Variants in FAR2 observed in about 807,000 individuals in gnomAD.
FAR2 encodes the protein epididymis secretory protein Li 81.
Under a neutral mutation model 56.0 loss-of-function variants are expected in FAR2, and 19 were observed. The ratio of observed to expected loss-of-function variants is 0.34; its 90% CI spans 0.24 to 0.50. FAR2 has a LOEUF of 0.50. Among genes scored for constraint, FAR2 ranks in the 20% least tolerant of loss-of-function variants. FAR2 has a pLI of 0.98. For missense variants in FAR2, 508 were observed against 642.2 expected (o/e 0.79, Z 2.26); for synonymous variants, 219 against 218.8 (o/e 1.00, Z -0.01).
At chr12:29,210,878 G>A (rs916864685) in intron 1 of FAR2, among the ~76,000 whole-genome samples, 13 of 152,094 alleles carry the variant, frequency 8.5e-5, no homozygotes, top group Admixed American at 4.6e-4. Context: ...CCCGGGATGC[G>A]GAGGCTGCAG....
intron 9 of FAR2, chr12:29,317,778 C>T (rs1317392043): frequency 6.6e-6 from 1 of 152,548 alleles, no homozygotes; most frequent in Non-Finnish European, 1.5e-5. Flanking sequence ...GTCACAGCTA[C>T]CCAAGGAAGA....
chr12:29,265,557 C>A (rs1231234890), intron 1 of FAR2, among the ~76,000 whole-genome samples: 1 of 152,130 alleles, frequency 6.6e-6, no homozygotes, highest in Non-Finnish European at 1.5e-5. Context: ...AATATAAGAT[C>A]TCGAACTATG....
intron 1 of FAR2, among the ~76,000 whole-genome samples, chr12:29,178,146 C>T (rs1428205618): frequency 6.6e-6 from 1 of 150,476 alleles, no homozygotes; most frequent in Non-Finnish European, 1.5e-5. Context: ...GAAATAGTGG[C>T]CTAAATGGAT....
intron 1 of FAR2, among the ~76,000 whole-genome samples, chr12:29,262,561 CAGAGGTTGT>C (rs1400020373): frequency 2.0e-5 from 3 of 152,082 alleles, no homozygotes; most frequent in Admixed American, 2.0e-4. Context: ...ACCCGGGAAG[CAGAGGTTGT>C]GGTGAGCCAA....
chr12:29,280,117 GT>G (rs1948764297), intron 2 of FAR2, among the ~76,000 whole-genome samples: 1 of 152,020 alleles, frequency 6.6e-6, no homozygotes, highest in Non-Finnish European at 1.5e-5. Flanking sequence ...TAGAGATGGG[GT>G]TTCACCATGT....
rs1261888858 is a variant in FAR2 at position 29,278,440 on chromosome 12, C to T, written c.189+7802C>T. ...CTGCAGCCTCAACCTCCCGGGCTCACGTGATCCACCCACCTCAGCCTCCCA... is the reference window on the plus strand; with the variant it reads ...CTGCAGCCTCAACCTCCCGGGCTCATGTGATCCACCCACCTCAGCCTCCCA... On this transcript the variant is annotated intron_variant, in intron 2 of 11. Coordinates refer to ENST00000536681, the MANE Select transcript of FAR2 (RefSeq NM_001271783.2). 5.9e-5 allele frequency among the ~76,000 whole-genome samples: 9 copies of T among 151,928 alleles called. No individual in the cohort carries two copies. In the East Asian group the frequency reaches 1.5e-3, roughly 26 times the overall value.
chr12:29,310,921 G>A lies in FAR2; in HGVS notation c.769-107G>A. The A allele has an allele frequency of 3.7e-6, 3 of 812,072 alleles. No individual in the cohort carries two copies. In the South Asian group the frequency reaches 4.5e-5, roughly 12 times the overall value. The allele number at this position is 812,072 out of a possible 1,614,324, so 50.3% of individuals were successfully genotyped here. On this transcript the variant is annotated intron_variant, in intron 6 of 11. Transcript: ENST00000536681. The stretch of plus-strand genomic sequence containing the variant: ...CCTGGTAAGCAGTGGATCAATGTTA[G>A]CTGTTTTCACTTATTGCACTAGTAT...
chr12:29,275,586 A>G (rs1399446025), intron 2 of FAR2, among the ~76,000 whole-genome samples: 1 of 152,166 alleles, frequency 6.6e-6, no homozygotes, highest in Non-Finnish European at 1.5e-5. Flanking sequence ...CCAACAGTGT[A>G]AAAGTGTTAT....
intron 1 of FAR2, among the ~76,000 whole-genome samples, chr12:29,256,685 G>A (rs535129889): frequency 3.9e-5 from 6 of 152,348 alleles, no homozygotes; most frequent in African/African-American, 1.4e-4. Flanking sequence ...TGGCACTTGC[G>A]GGCCAGCTGG....
Position 29,333,038 on chromosome 12 carries a change from C to A in FAR2, c.1385+311C>A. Reference sequence around the variant, plus strand: ...TTTGAACCCAAATTTGTTTCTTCTACCACACTCTGTCATAATGGGATATAA... The same window carrying A: ...TTTGAACCCAAATTTGTTTCTTCTAACACACTCTGTCATAATGGGATATAA... On this transcript the variant is annotated intron_variant, in intron 11 of 11. Coordinates refer to ENST00000536681, the MANE Select transcript of FAR2 (RefSeq NM_001271783.2). 9.8e-6 allele frequency: 4 copies of A among 407,378 alleles called. No individual in the cohort carries two copies. The Admixed American group carries it at 1.0e-4, about 10-fold the overall frequency. 25.2% of individuals were successfully genotyped at this position (407,378 alleles called of 1,614,324 possible). A position where few individuals can be genotyped will look rare whatever the true frequency, so the allele number is the denominator to read the frequency against.
chr12:29,322,565 G>T (rs1949570509), intron 10 of FAR2, among the ~76,000 whole-genome samples: 1 of 152,040 alleles, frequency 6.6e-6, no homozygotes, highest in African/African-American at 2.4e-5. Flanking sequence ...TTAACTTCTT[G>T]GCAGTCACAA....
At chr12:29,318,688 G>C (rs1481388905) in intron 9 of FAR2, among the ~76,000 whole-genome samples, 1 of 152,152 alleles carries the variant, frequency 6.6e-6, no homozygotes, top group Non-Finnish European at 1.5e-5. Flanking sequence ...GGGGGTATGT[G>C]TGTATATAAA....
Position 29,180,133 on chromosome 12 carries a change from C to T in FAR2, c.-39+30726C>T, listed in dbSNP as rs547545279. On this transcript the variant is annotated intron_variant, in intron 1 of 11. Coordinates refer to ENST00000536681, the MANE Select transcript of FAR2 (RefSeq NM_001271783.2). ...TCAACAAAAACTTCCCTCAAAGGCT[C>T]ACTCACTCTTACCAGCAGAAGGTGT... 8.3e-4 allele frequency among the ~76,000 whole-genome samples: 126 copies of T among 152,254 alleles called. 1 individual carries two copies. The highest frequency in any genetic ancestry group is 2.9e-3 in the African/African-American group (119 of 41,556).
chr12:29,230,802 A>T lies in FAR2; in HGVS notation c.-38-39610A>T, dbSNP rs567029971. Among the ~76,000 whole-genome samples, 20 of 152,266 alleles carry T rather than the reference A, an allele frequency of 1.3e-4. No homozygotes were observed. In the East Asian group the frequency reaches 3.9e-3, roughly 30 times the overall value. On this transcript the variant is annotated intron_variant, in intron 1 of 11. Transcript: ENST00000536681. ...TAAAGAACTCATAGAATAGAGCCTT[A>T]CTCACTGAGATAGGGAGAATGGTGA... is the stretch of plus-strand genomic sequence containing the variant.
intron 2 of FAR2, among the ~76,000 whole-genome samples, chr12:29,286,464 A>T (rs1565505395): frequency 6.6e-6 from 1 of 152,184 alleles, no homozygotes; most frequent in Non-Finnish European, 1.5e-5. Context: ...TTCTGAGTTA[A>T]TATCAGTGTT....
At chr12:29,156,661 G>A (rs1004808849) in intron 1 of FAR2, 2 of 151,902 alleles carry the variant, frequency 1.3e-5, no homozygotes, top group Non-Finnish European at 2.9e-5. Flanking sequence ...TATTATTAAT[G>A]CACACTTTTA....
intron 1 of FAR2, among the ~76,000 whole-genome samples, chr12:29,182,304 T>C (rs1340733776): frequency 6.6e-6 from 1 of 152,338 alleles, no homozygotes; most frequent in Middle Eastern, 3.4e-3. Flanking sequence ...AGTGGCCAGC[T>C]TTTATTCCCT....
chr12:29,209,356 G>A (rs1208366254), intron 1 of FAR2, among the ~76,000 whole-genome samples: 4 of 152,136 alleles, frequency 2.6e-5, no homozygotes, highest in Admixed American at 6.5e-5. Context: ...CAGGTCAATC[G>A]TCAATGTATT....
At chr12:29,214,833 T>TAAC (rs1305206561) in intron 1 of FAR2, among the ~76,000 whole-genome samples, 14 of 149,628 alleles carry the variant, frequency 9.4e-5, no homozygotes, top group African/African-American at 3.2e-4. Flanking sequence ...AATAAAATGA[T>TAAC]AATAATAATA....
Sources: allele counts gnomAD v4.1 joint callset (sites outside exome capture counted in the v4.1 genomes callset), GRCh38; gene constraint gnomAD v4.1.1; transcripts MANE v1.5; gene names NCBI Gene and HGNC (gene_info 2026-07-23, HGNC 2026-07-21).